TOM1L2: variants seen among roughly 807,000 people sequenced by gnomAD.
TOM1L2 encodes the protein target of myb1 like 2 membrane trafficking protein.
TOM1L2 carries 31 observed loss-of-function variants against 67.9 expected under a neutral mutation model. The observed-to-expected ratio is 0.46, with a 90% CI of 0.34 to 0.62. The LOEUF is 0.62. Ranked by LOEUF, TOM1L2 falls within the 20% of genes least tolerant of loss-of-function variation. The pLI is 0.01. For missense variants in TOM1L2, 606 were observed against 663.5 expected, an observed-to-expected ratio of 0.91 and a Z score of 0.95; for synonymous variants, 256 against 254.0, an observed-to-expected ratio of 1.01 and a Z score of -0.07.
chr17:17,941,372 C>T (rs1247607173), intron 1 of TOM1L2, among the ~76,000 whole-genome samples: 1 of 152,008 alleles, frequency 6.6e-6, no homozygotes, highest in East Asian at 1.9e-4. Flanking sequence ...TGACTATGGA[C>T]GACTCCCTTA....
intron 1 of TOM1L2, among the ~76,000 whole-genome samples, chr17:17,967,689 C>T (rs2041919875): frequency 6.6e-6 from 1 of 152,174 alleles, no homozygotes; most frequent in Non-Finnish European, 1.5e-5. Flanking sequence ...CTCACTGCAA[C>T]CTCCACCTCC....
chr17:17,944,238 C>T (rs976182729), intron 1 of TOM1L2, among the ~76,000 whole-genome samples: 10 of 152,254 alleles, frequency 6.6e-5, no homozygotes, highest in African/African-American at 1.9e-4. Flanking sequence ...GAGAGGCTGC[C>T]TGGTGAGTGG....
chr17:17,862,936 A>C, intron 10 of TOM1L2, 88 bp from the exon 11 acceptor site: 1 of 354,772 alleles, frequency 2.8e-6, no homozygotes, highest in Non-Finnish European at 5.3e-6. Flanking sequence ...GACGCCAGCC[A>C]GGTGGGTTTA....
chr17:17,883,204 G>T (rs181559941), intron 5 of TOM1L2, among the ~76,000 whole-genome samples: 2 of 152,080 alleles, frequency 1.3e-5, no homozygotes, highest in Non-Finnish European at 2.9e-5. Context: ...GAGGGAGGGC[G>T]GTTATTAAGT....
At position 17,861,450 on chromosome 17, in the gene TOM1L2, G is replaced by A. The variant is rs1598200245; in HGVS notation, c.1278+26C>T. On this transcript the variant is annotated intron_variant, in intron 12 of 14. Coordinates refer to ENST00000379504, the MANE Select transcript of TOM1L2 (RefSeq NM_001082968.2). ...TGACTTTCCCTCCAGAAGACTCCAG[G>A]CAGAAAAACAGGGTTAAAGACCTAC... The A allele has an allele frequency of 1.9e-6, 3 of 1,607,778 alleles. No homozygotes were observed. The East Asian group carries it at 6.7e-5, about 36-fold the overall frequency.
At chr17:17,856,519 G>A (rs2143614859) in intron 12 of TOM1L2, among the ~76,000 whole-genome samples, 1 of 152,326 alleles carries the variant, frequency 6.6e-6, no homozygotes, top group African/African-American at 2.4e-5. Context: ...CTACTCACTG[G>A]TCACGCTTTG....
intron 1 of TOM1L2, among the ~76,000 whole-genome samples, chr17:17,959,614 A>G (rs1004493546): frequency 1.3e-5 from 2 of 152,098 alleles, no homozygotes; most frequent in Non-Finnish European, 2.9e-5. Context: ...CTCAGGCCTC[A>G]TTTCCTATTT....
intron 2 of TOM1L2, among the ~76,000 whole-genome samples, chr17:17,902,814 C>T (rs1296163779): frequency 6.6e-6 from 1 of 152,194 alleles, no homozygotes; most frequent in Non-Finnish European, 1.5e-5. Flanking sequence ...TATGAAGATA[C>T]AGTTATGTAG....
At chr17:17,864,212 ATT>A (rs371634438) in intron 10 of TOM1L2, among the ~76,000 whole-genome samples, 56 of 137,612 alleles carry the variant, frequency 4.1e-4, no homozygotes, top group Middle Eastern at 3.8e-3. Flanking sequence ...ATCCAATTTG[ATT>A]TTTTTTTTTT....
chr17:17,943,019 A>G (rs1440042650), intron 1 of TOM1L2, among the ~76,000 whole-genome samples: 4 of 152,122 alleles, frequency 2.6e-5, no homozygotes, highest in African/African-American at 9.7e-5. Context: ...AATAATGCAG[A>G]GTGGGAGGGG....
At chr17:17,937,796 G>A (rs986362344) in intron 1 of TOM1L2, among the ~76,000 whole-genome samples, 4 of 152,196 alleles carry the variant, frequency 2.6e-5, no homozygotes, top group South Asian at 2.1e-4. Context: ...GTACATTTGA[G>A]AGAGCTGCAC....
chr17:17,961,670 G>A (rs796468771), intron 1 of TOM1L2, among the ~76,000 whole-genome samples: 5 of 152,084 alleles, frequency 3.3e-5, no homozygotes, highest in African/African-American at 7.2e-5. Context: ...TGAGGAGATC[G>A]AGACCATCCT....
chr17:17,920,712 G>A (rs768297194), intron 1 of TOM1L2, among the ~76,000 whole-genome samples: 15 of 151,948 alleles, frequency 9.9e-5, no homozygotes, highest in Non-Finnish European at 1.5e-4. Context: ...TCGGCTCACT[G>A]AAACCTCTGC....
chr17:17,934,108 T>A (rs2040430403), intron 1 of TOM1L2, among the ~76,000 whole-genome samples: 1 of 152,226 alleles, frequency 6.6e-6, no homozygotes, highest in African/African-American at 2.4e-5. Context: ...ATATTTTTTA[T>A]ATTTTATATT....
At chr17:17,947,513 G>A (rs1045833333) in intron 1 of TOM1L2, among the ~76,000 whole-genome samples, 10 of 152,184 alleles carry the variant, frequency 6.6e-5, no homozygotes, top group Admixed American at 6.5e-4. Context: ...GACCATGTGA[G>A]GACACAGCAA....
In TOM1L2 at chr17:17,851,863, C is replaced by T. The variant is rs545836972; in HGVS notation, c.1279-911G>A. Among the ~76,000 whole-genome samples the T allele has an allele frequency of 5.3e-5, 8 of 152,308 alleles. No homozygotes were observed. In the South Asian group the frequency reaches 1.7e-3, roughly 32 times the overall value. On this transcript the variant is annotated intron_variant, in intron 12 of 14. Transcript: ENST00000379504. ...TGTACCACGGGGTTGCCTGAGCAGT[C>T]ACCTTGCTTGGGCCCCTGTGCCAAG...
chr17:17,885,882 G>A (rs182295987), intron 4 of TOM1L2, among the ~76,000 whole-genome samples: 14 of 129,640 alleles, frequency 1.1e-4, no homozygotes, highest in African/African-American at 3.7e-4. Context: ...CTGAGATGGC[G>A]CCACTGCACT....
At chr17:17,951,690 C>G (rs1456740823) in intron 1 of TOM1L2, among the ~76,000 whole-genome samples, 1 of 152,190 alleles carries the variant, frequency 6.6e-6, no homozygotes, top group Non-Finnish European at 1.5e-5. Context: ...GCAGGAGGAA[C>G]GAGTCTGGGC....
chr17:17,854,906 G>A (rs2036182866), intron 12 of TOM1L2, among the ~76,000 whole-genome samples: 1 of 152,156 alleles, frequency 6.6e-6, no homozygotes. Context: ...ATCTGAAGAA[G>A]CGTATGAGTT....
Sources: gnomAD v4.1 joint callset for allele counts (sites outside exome capture counted in the v4.1 genomes callset) on GRCh38, gnomAD v4.1.1 for gene constraint, MANE v1.5 for transcripts, NCBI Gene and HGNC (gene_info 2026-07-23, HGNC 2026-07-21) for gene names.